Variants in STAG2 observed in about 807,000 individuals in gnomAD.
STAG2 encodes cohesin subunit SA-2.
In STAG2, 14 loss-of-function variants were observed where a neutral mutation model predicts 108.1. That is an observed-to-expected ratio of 0.13 (90% CI 0.09 to 0.20). The LOEUF is 0.20. STAG2 is among the 10% of genes least tolerant of loss of function. The pLI is 1.00. For synonymous variants in STAG2, 307 were observed against 302.7 expected (o/e 1.01, Z -0.15); for missense variants, 440 against 940.9 (o/e 0.47, Z 6.96).
At chrX:124,088,240 CTT>C (rs1048229777) in intron 30 of STAG2, among the ~76,000 whole-genome samples, 4 of 104,913 alleles carry the variant, frequency 3.8e-5, no homozygotes, top group Admixed American at 2.1e-4. Flanking sequence ...AGAAATCTCT[CTT>C]TTTTTTTTAG....
chrX:124,004,173 G>C lies in STAG2; in HGVS notation c.-162-17194G>C, dbSNP rs779888801. On this transcript the variant is annotated intron_variant, in intron 1 of 34. Transcript: ENST00000371145. ...CTAGAGTCTTCCTCATGGGCAAGGTGCAGCCCTGGGCAGGACTATCAGCAT... is the reference window on the plus strand; with the variant it reads ...CTAGAGTCTTCCTCATGGGCAAGGTCCAGCCCTGGGCAGGACTATCAGCAT... 3.6e-5 allele frequency among the ~76,000 whole-genome samples: 4 copies of C among 111,796 alleles called. No individual in the cohort carries two copies. In the South Asian group the frequency reaches 1.5e-3, roughly 42 times the overall value.
chrX:123,995,058 A>G (rs1270438598), intron 1 of STAG2, among the ~76,000 whole-genome samples: 1 of 112,119 alleles, frequency 8.9e-6, no homozygotes, highest in Admixed American at 9.5e-5. Context: ...GAGACATAAA[A>G]TGTGCCGATT....
intron 1 of STAG2, among the ~76,000 whole-genome samples, chrX:123,969,427 C>T (rs977219994): frequency 9.0e-6 from 1 of 111,381 alleles, no homozygotes; most frequent in East Asian, 2.8e-4. Context: ...AATAATTCAG[C>T]GCTCTGGTTC....
chrX:124,044,076 T>C lies in STAG2; in HGVS notation c.463-1088T>C, dbSNP rs191336444. 1.7e-4 allele frequency among the ~76,000 whole-genome samples: 19 copies of C among 111,515 alleles called. No individual in the cohort carries two copies. The East Asian group carries it at 5.3e-3, about 31-fold the overall frequency. ...CTATTATTCTAAAAGATAGATGAGT[T>C]AAAATGGCTTTGATGATCGCTAAGT... is the stretch of plus-strand genomic sequence containing the variant. On this transcript the variant is annotated intron_variant, in intron 7 of 34. Coordinates refer to ENST00000371145, the MANE Select transcript of STAG2 (RefSeq NM_001042750.2).
intron 10 of STAG2, 93 bp from the exon 11 acceptor site, chrX:124,050,090 ATAG>A: frequency 1.0e-6 from 1 of 971,118 alleles, no homozygotes; most frequent in Non-Finnish European, 1.4e-6. Context: ...TGTCATATTC[ATAG>A]TAGATCTGAA....
At chrX:123,993,424 A>G (rs908603458) in intron 1 of STAG2, among the ~76,000 whole-genome samples, 2 of 111,525 alleles carry the variant, frequency 1.8e-5, no homozygotes, top group African/African-American at 6.5e-5. Context: ...CTTTCAGGAA[A>G]GGTACATTTT....
chrX:124,024,222 C>T (rs1037089147), intron 3 of STAG2, among the ~76,000 whole-genome samples: 1 of 111,075 alleles, frequency 9.0e-6, no homozygotes, highest in African/African-American at 3.3e-5. Context: ...TAATTGAGCC[C>T]TTGATTACTC....
Position 124,094,026 on chromosome X carries a change from G to A in STAG2, c.3587G>A (p.Gly1196Asp), listed in dbSNP as rs868559404. 1 of 1,210,192 alleles carries A rather than the reference G, an allele frequency of 8.3e-7. No individual in the cohort carries two copies. The highest frequency in any genetic ancestry group is 2.2e-5 in the Admixed American group (1 of 45,846). Residue 1196 changes from glycine (G) to aspartate (D), a missense_variant, in exon 33 of 35, where the codon GGC becomes GAC. Coordinates refer to ENST00000371145, the MANE Select transcript of STAG2 (RefSeq NM_001042750.2). ...GTTTTATATTTCTCTAGTCGGCGTG[G>A]CACAAGCCTAATGGAAGATGATGAA... is the stretch of plus-strand genomic sequence containing the variant. ...RTNLQHAIRR[G>D]TSLMEDDEEP...
chrX:124,009,585 C>CCATTTTAGG (rs754362843), intron 1 of STAG2, among the ~76,000 whole-genome samples: 11 of 110,807 alleles, frequency 9.9e-5, no homozygotes, highest in Admixed American at 7.8e-4. Context: ...TCACATGAGG[C>CCATTTTAGG]CATTTAGTAT....
intron 1 of STAG2, among the ~76,000 whole-genome samples, chrX:123,995,642 C>G (rs374850556): frequency 1.1e-4 from 12 of 109,727 alleles, no homozygotes; most frequent in African/African-American, 3.3e-4. Context: ...TGCAGTGAGT[C>G]GAGATTGCAC....
chrX:124,065,379 T>C (rs1460929948), intron 20 of STAG2, among the ~76,000 whole-genome samples: 3 of 111,736 alleles, frequency 2.7e-5, no homozygotes, highest in Non-Finnish European at 5.6e-5. Context: ...TAAGTTACCC[T>C]AAGTTGAAAA....
intron 3 of STAG2, 112 bp from the exon 4 acceptor site, chrX:124,025,728 A>G (rs1247781414): frequency 8.7e-6 from 4 of 458,755 alleles, no homozygotes; most frequent in Non-Finnish European, 1.5e-5. Context: ...TAATGCTAAT[A>G]TGAAGTTTTG....
At chrX:124,016,880 A>C (rs1288516095) in intron 1 of STAG2, among the ~76,000 whole-genome samples, 1 of 111,076 alleles carries the variant, frequency 9.0e-6, no homozygotes, top group Admixed American at 9.7e-5. Flanking sequence ...GGTAATTCCT[A>C]ATTTTAAGTG....
intron 1 of STAG2, among the ~76,000 whole-genome samples, chrX:123,995,849 C>A (rs1007756873): frequency 8.9e-6 from 1 of 112,235 alleles, no homozygotes; most frequent in African/African-American, 3.2e-5. Context: ...ATTTCCTTAG[C>A]AAGAGTTCAG....
At chrX:124,100,499 T>C (rs2059486787) in intron 34 of STAG2, 75 bp from the exon 35 acceptor site, 2 of 863,471 alleles carry the variant, frequency 2.3e-6, no homozygotes, top group Admixed American at 2.4e-5. Context: ...AAAGTATTAA[T>C]GTAATATTTA....
At chrX:124,099,274 A>C (rs2059454815) in intron 34 of STAG2, among the ~76,000 whole-genome samples, 1 of 111,943 alleles carries the variant, frequency 8.9e-6, no homozygotes, top group Non-Finnish European at 1.9e-5. Flanking sequence ...CATACTCAAT[A>C]CTAAATTGCT....
chrX:123,985,056 T>C (rs891250937), intron 1 of STAG2, among the ~76,000 whole-genome samples: 21 of 112,017 alleles, frequency 1.9e-4, no homozygotes, highest in African/African-American at 6.8e-4. Flanking sequence ...GGAAAAAGTT[T>C]TGAGATCTGA....
At position 124,043,736 on chromosome X, in the gene STAG2, TC is replaced by T. The variant is rs2057791122; in HGVS notation, c.462+1092del. On this transcript the variant is annotated intron_variant, in intron 7 of 34. Coordinates refer to ENST00000371145, the MANE Select transcript of STAG2 (RefSeq NM_001042750.2). The stretch of plus-strand genomic sequence containing the variant: ...ATAGATACTTTTATTGTTTAAAAAC[TC>T]TTAAGAACAACAAAGATTACATATT... Among the ~76,000 whole-genome samples, 6 of 111,698 alleles carry T rather than the reference TC, an allele frequency of 5.4e-5. No individual in the cohort carries two copies. In the South Asian group the frequency reaches 2.2e-3, roughly 41 times the overall value.
At chrX:123,991,490 C>G (rs1404526028) in intron 1 of STAG2, among the ~76,000 whole-genome samples, 1 of 102,641 alleles carries the variant, frequency 9.7e-6, no homozygotes, top group African/African-American at 3.6e-5. Flanking sequence ...GTAGCTGGGA[C>G]TACAAGCATG....
Sources: gnomAD v4.1 joint callset for allele counts (sites outside exome capture counted in the v4.1 genomes callset) on GRCh38, gnomAD v4.1.1 for gene constraint, MANE v1.5 for transcripts, NCBI Gene and HGNC (gene_info 2026-07-23, HGNC 2026-07-21) for gene names.